The following RBFOX1 variants were observed in gnomAD, a reference collection of about 807,000 sequenced individuals.
RBFOX1 encodes the protein RNA binding protein fox-1 homolog 1.
Under a neutral mutation model 57.7 loss-of-function variants are expected in RBFOX1, and 8 were observed. The observed-to-expected ratio is 0.14, with a 90% CI of 0.08 to 0.25. The LOEUF (loss-of-function observed/expected upper bound fraction) is 0.25, where lower values mean the gene tolerates loss of function less well. Among genes scored for constraint, RBFOX1 ranks in the 10% least tolerant of loss-of-function variants. RBFOX1 has a pLI of 1.00. For synonymous variants in RBFOX1, 326 were observed against 222.4 expected (o/e 1.47, Z -4.15); for missense variants, 611 against 548.5 (o/e 1.11, Z -1.14).
chr16:7,112,032 A>T (rs1037665172), intron 4 of RBFOX1, among the ~76,000 whole-genome samples: 5 of 152,132 alleles, frequency 3.3e-5, no homozygotes, highest in Non-Finnish European at 5.9e-5. Context: ...AGACAGGAAA[A>T]GGGAGGAAGG....
chr16:6,225,657 A>G (rs1375338658), intron 1 of RBFOX1, among the ~76,000 whole-genome samples: 3 of 152,112 alleles, frequency 2.0e-5, no homozygotes, highest in Non-Finnish European at 4.4e-5. Flanking sequence ...ACTCCACCAA[A>G]TTTGCATAAT....
chr16:5,916,276 T>C (rs1290651781), intron 4 of RBFOX1, among the ~76,000 whole-genome samples: 1 of 152,208 alleles, frequency 6.6e-6, no homozygotes, highest in African/African-American at 2.4e-5. Context: ...GCTCTAATTC[T>C]CGGATTATTC....
At chr16:6,813,290 A>G (rs1332768247) in intron 3 of RBFOX1, among the ~76,000 whole-genome samples, 1 of 152,150 alleles carries the variant, frequency 6.6e-6, no homozygotes, top group Non-Finnish European at 1.5e-5. Context: ...AAACAGCCAT[A>G]TTCCATGAAA....
intron 1 of RBFOX1, among the ~76,000 whole-genome samples, chr16:5,369,606 C>G (rs987009075): frequency 2.0e-5 from 3 of 152,210 alleles, no homozygotes; most frequent in Non-Finnish European, 4.4e-5. Flanking sequence ...TCCTGAGCAG[C>G]GGTCGAGCTG....
At chr16:6,124,827 G>A (rs1014353122) in intron 1 of RBFOX1, among the ~76,000 whole-genome samples, 54 of 152,126 alleles carry the variant, frequency 3.5e-4, no homozygotes, top group African/African-American at 1.2e-3. Context: ...CGTGCCTGGC[G>A]CCAATTCAAT....
chr16:6,878,660 T>C (rs1312287822), intron 3 of RBFOX1, among the ~76,000 whole-genome samples: 3 of 152,176 alleles, frequency 2.0e-5, no homozygotes, highest in Non-Finnish European at 2.9e-5. Context: ...TTAGCGTCAG[T>C]TTAATTCAAA....
At chr16:6,933,211 A>G (rs2076838836) in intron 3 of RBFOX1, among the ~76,000 whole-genome samples, 1 of 152,198 alleles carries the variant, frequency 6.6e-6, no homozygotes, top group African/African-American at 2.4e-5. Context: ...GGAGTGTACA[A>G]TACCTTTCAG....
At chr16:7,438,267 C>A (rs2098738425) in intron 4 of RBFOX1, among the ~76,000 whole-genome samples, 1 of 152,050 alleles carries the variant, frequency 6.6e-6, no homozygotes, top group South Asian at 2.1e-4. Flanking sequence ...CGAGAAACAC[C>A]TTATGTTTGC....
Position 6,502,689 on chromosome 16 carries a change from G to A in RBFOX1, c.-63-151914G>A, listed in dbSNP as rs563957049. 3.3e-5 allele frequency among the ~76,000 whole-genome samples: 5 copies of A among 152,208 alleles called. No individual in the cohort carries two copies. The East Asian group carries it at 7.7e-4, about 24-fold the overall frequency. On this transcript the variant is annotated intron_variant, in intron 2 of 15. Transcript: ENST00000550418. ...TTCTATTGTTAACTCTTTTACCTCT[G>A]CTAATTTTTGCCATTACCACCGGAC... is the stretch of plus-strand genomic sequence containing the variant.
intron 3 of RBFOX1, among the ~76,000 whole-genome samples, chr16:6,919,805 A>C (rs1319956845): frequency 7.2e-6 from 1 of 139,846 alleles, no homozygotes; most frequent in African/African-American, 2.7e-5. Flanking sequence ...TTATTTCAAT[A>C]GTTCTGGGAG....
chr16:6,498,570 T>A (rs746460214), intron 2 of RBFOX1, among the ~76,000 whole-genome samples: 8 of 152,150 alleles, frequency 5.3e-5, no homozygotes, highest in Non-Finnish European at 1.2e-4. Context: ...TAGATTGTGA[T>A]GATAGGCTAT....
intron 3 of RBFOX1, among the ~76,000 whole-genome samples, chr16:6,742,662 A>G (rs2072545983): frequency 6.6e-6 from 1 of 152,234 alleles, no homozygotes; most frequent in Non-Finnish European, 1.5e-5. Context: ...TAAAAACTGA[A>G]TGAACTATCG....
At chr16:6,824,628 A>T (rs7189845) in intron 3 of RBFOX1, among the ~76,000 whole-genome samples, 31,819 of 152,112 alleles carry the variant, frequency 0.21, 4,000 homozygotes, top group East Asian at 0.48. Context: ...TACTCTGAAG[A>T]GAAAATCCAT....
intron 4 of RBFOX1, among the ~76,000 whole-genome samples, chr16:7,463,224 C>T (rs2059897726): frequency 6.6e-6 from 1 of 152,132 alleles, no homozygotes; most frequent in Non-Finnish European, 1.5e-5. Flanking sequence ...ATGAATCTAG[C>T]CAGGCATGCT....
intron 3 of RBFOX1, among the ~76,000 whole-genome samples, chr16:6,883,108 C>A (rs1269325331): frequency 6.6e-6 from 1 of 152,108 alleles, no homozygotes; most frequent in East Asian, 1.9e-4. Flanking sequence ...GTATGAATGG[C>A]TACAGTATAT....
chr16:6,011,652 G>A (rs539667089), intron 4 of RBFOX1, among the ~76,000 whole-genome samples: 13 of 152,058 alleles, frequency 8.5e-5, no homozygotes, highest in South Asian at 4.2e-4. Context: ...AGTCCTAAAC[G>A]GGCATGTAAT....
intron 4 of RBFOX1, among the ~76,000 whole-genome samples, chr16:5,872,118 C>G (rs1391136507): frequency 6.6e-6 from 1 of 152,150 alleles, no homozygotes; most frequent in Non-Finnish European, 1.5e-5. Context: ...ATATTCTTAC[C>G]TACTAAAAGA....
At chr16:7,101,986 A>C (rs2040090428) in intron 4 of RBFOX1, among the ~76,000 whole-genome samples, 1 of 152,154 alleles carries the variant, frequency 6.6e-6, no homozygotes, top group Non-Finnish European at 1.5e-5. Flanking sequence ...ATCCATCCAG[A>C]GACAAGGGTG....
At chr16:6,898,678 A>G (rs2067590472) in intron 3 of RBFOX1, among the ~76,000 whole-genome samples, 1 of 152,124 alleles carries the variant, frequency 6.6e-6, no homozygotes, top group Non-Finnish European at 1.5e-5. Flanking sequence ...CTGTGTGTGT[A>G]CATGTGTATA....
Sources: gnomAD v4.1 joint callset for allele counts (sites outside exome capture counted in the v4.1 genomes callset) on GRCh38, gnomAD v4.1.1 for gene constraint, MANE v1.5 for transcripts, NCBI Gene and HGNC (gene_info 2026-07-23, HGNC 2026-07-21) for gene names.